Variants in STX12 observed in about 807,000 individuals in gnomAD.
The protein encoded by STX12 is syntaxin-12.
Under a neutral mutation model 42.2 loss-of-function variants are expected in STX12, and 17 were observed. The ratio of observed to expected loss-of-function variants is 0.40; its 90% CI spans 0.28 to 0.60. The LOEUF (loss-of-function observed/expected upper bound fraction) is 0.60. Ranked by LOEUF, STX12 falls within the 20% of genes least tolerant of loss-of-function variation. The pLI is 0.39. For missense variants in STX12, 297 were observed against 330.9 expected, an observed-to-expected ratio of 0.90 and a Z score of 0.79; for synonymous variants, 108 against 116.7, an observed-to-expected ratio of 0.93 and a Z score of 0.48.
intron 1 of STX12, chr1:27,773,802 G>C (rs2088611798): frequency 4.2e-6 from 1 of 240,860 alleles, no homozygotes; most frequent in African/African-American, 2.3e-5. Context: ...CACCCACCTC[G>C]CTTTCCTCTT....
At chr1:27,789,420 G>A in intron 1 of STX12, 142 bp from the exon 2 acceptor site, 1 of 505,670 alleles carries the variant, frequency 2.0e-6, no homozygotes, top group Non-Finnish European at 3.4e-6. Context: ...GTGTGTCAAG[G>A]TTTTGATCAT....
chr1:27,789,367 A>G (rs1021722974), intron 1 of STX12, among the ~76,000 whole-genome samples, 195 bp from the exon 2 acceptor site: 3 of 152,186 alleles, frequency 2.0e-5, no homozygotes, highest in African/African-American at 7.2e-5. Context: ...CAGTTACTCT[A>G]TAGGAGAAAG....
At chr1:27,795,485 T>C (rs2088780104) in intron 3 of STX12, among the ~76,000 whole-genome samples, 1 of 152,030 alleles carries the variant, frequency 6.6e-6, no homozygotes. Flanking sequence ...TTTGTATTTT[T>C]AGTAGAGATG....
At chr1:27,780,084 T>C (rs936360204) in intron 1 of STX12, among the ~76,000 whole-genome samples, 3 of 151,994 alleles carry the variant, frequency 2.0e-5, no homozygotes, top group Admixed American at 2.0e-4. Context: ...AGTCACTGCG[T>C]CCGCCCTTTG....
chr1:27,773,448 G>T, intron 1 of STX12, 23 bp downstream of exon 1: 1 of 1,609,256 alleles, frequency 6.2e-7, no homozygotes, highest in South Asian at 1.1e-5. Context: ...ACCGAGCTGG[G>T]GGGCGGGAGC....
At chr1:27,797,915 A>G (rs1488264235) in intron 3 of STX12, among the ~76,000 whole-genome samples, 2 of 139,422 alleles carry the variant, frequency 1.4e-5, no homozygotes, top group African/African-American at 3.3e-5. Context: ...CACAGAGTCT[A>G]TATACTCTGG....
intron 1 of STX12, among the ~76,000 whole-genome samples, chr1:27,788,650 T>C (rs2088716336): frequency 6.6e-6 from 1 of 152,210 alleles, no homozygotes; most frequent in Admixed American, 6.5e-5. Flanking sequence ...CTGCTACTTA[T>C]TAATTGTGTA....
chr1:27,804,738 G>A (rs1245316879), intron 4 of STX12, among the ~76,000 whole-genome samples: 1 of 151,660 alleles, frequency 6.6e-6, no homozygotes, highest in African/African-American at 2.4e-5. Flanking sequence ...TTCAACCCGG[G>A]AGGCGGAGAT....
At chr1:27,821,412 C>T (rs2148609287) in intron 8 of STX12, among the ~76,000 whole-genome samples, 1 of 151,988 alleles carries the variant, frequency 6.6e-6, no homozygotes, top group African/African-American at 2.4e-5. Context: ...AATGTTTATA[C>T]TAAACATTAA....
intron 4 of STX12, among the ~76,000 whole-genome samples, chr1:27,808,080 T>C (rs1259296793): frequency 1.3e-5 from 2 of 152,078 alleles, no homozygotes; most frequent in African/African-American, 4.8e-5. Flanking sequence ...GATGGAGTTG[T>C]GATTGGAGAA....
chr1:27,773,231 G>T lies in STX12; in HGVS notation c.-77G>T. 2 of 956,732 alleles carry T rather than the reference G, an allele frequency of 2.1e-6. No individual in the cohort carries two copies. The highest frequency in any genetic ancestry group is 3.2e-6 in the Non-Finnish European group (2 of 619,194). The allele number at this position is 956,732 out of a possible 1,614,324, so 59.3% of individuals were successfully genotyped here. On this transcript the variant is annotated 5_prime_UTR_variant, in exon 1 of 9. Transcript: ENST00000373943. ...CGCCCTTGCTCTTCCCAGTTTCTCCGTCAGCCTGCGGGTCCCGGCTGGCGG... is the reference window on the plus strand; with the variant it reads ...CGCCCTTGCTCTTCCCAGTTTCTCCTTCAGCCTGCGGGTCCCGGCTGGCGG...
At chr1:27,821,655 TGCC>T (rs2088985438) in intron 8 of STX12, among the ~76,000 whole-genome samples, 2 of 152,156 alleles carry the variant, frequency 1.3e-5, no homozygotes, top group African/African-American at 2.4e-5. Flanking sequence ...TTGCAAATAA[TGCC>T]TGGCAGCACA....
chr1:27,793,630 C>G lies in STX12; in HGVS notation c.286C>G (p.Gln96Glu). 1 of 1,612,446 alleles carries G rather than the reference C, an allele frequency of 6.2e-7. No homozygotes were observed. The highest frequency in any genetic ancestry group is 8.5e-7 in the Non-Finnish European group (1 of 1,178,704). ...SLPLPLSTSE[Q>E]RQQRLQKERL... Reference sequence around the variant, plus strand: ...GCCCCTTCCCTTATCTACTTCAGAACAGGTTGGTATTTTCTGTTTTGTTTA... The same window carrying G: ...GCCCCTTCCCTTATCTACTTCAGAAGAGGTTGGTATTTTCTGTTTTGTTTA... Residue 96 changes from glutamine to glutamate, a missense_variant and splice_region_variant, in exon 3 of 9, where the codon CAG becomes GAG. Gln to Glu is a conservative substitution (Grantham distance 29). Transcript: ENST00000373943.
intron 4 of STX12, among the ~76,000 whole-genome samples, chr1:27,808,499 G>A (rs936825060): frequency 6.6e-6 from 1 of 151,780 alleles, no homozygotes; most frequent in Non-Finnish European, 1.5e-5. Context: ...CCACCACCAT[G>A]CCTGGCTAAT....
Position 27,793,585 on chromosome 1 carries a change from C to G in STX12, c.241C>G (p.Leu81Val), listed in dbSNP as rs202077930. ...GCTCGCCAAGGAAACAAATGAATTG[C>G]TGAAAGAATTAGGGTCCTTGCCCCT... ...NQLAKETNEL[L>V]KELGSLPLPL... The change falls in exon 3 of 9, where the codon CTG becomes GTG. Residue 81 changes from leucine to valine, a missense_variant. By Grantham distance (32) the Leu-to-Val change is conservative. Transcript: ENST00000373943. 5.6e-5 allele frequency: 91 copies of G among 1,613,946 alleles called. No individual in the cohort carries two copies. Among genetic ancestry groups the G allele is most frequent in the Non-Finnish European group, 7.6e-5 (90 of 1,179,988 alleles).
intron 1 of STX12, among the ~76,000 whole-genome samples, chr1:27,779,499 AT>A (rs1019625346): frequency 2.0e-5 from 3 of 150,944 alleles, no homozygotes; most frequent in African/African-American, 7.3e-5. Flanking sequence ...CGCCCAGCTA[AT>A]TTTTGTATTT....
At chr1:27,777,741 G>T (rs571422932) in intron 1 of STX12, among the ~76,000 whole-genome samples, 22 of 152,172 alleles carry the variant, frequency 1.4e-4, no homozygotes, top group African/African-American at 5.3e-4. Flanking sequence ...AAAAAAATTA[G>T]CCAGGCGTGA....
intron 5 of STX12, among the ~76,000 whole-genome samples, chr1:27,810,895 G>A (rs889403584): frequency 1.3e-5 from 2 of 152,038 alleles, no homozygotes; most frequent in Admixed American, 1.3e-4. Flanking sequence ...AGCACGAAGA[G>A]GACGTTATTT....
intron 4 of STX12, among the ~76,000 whole-genome samples, chr1:27,804,810 C>CAA (rs975417288): frequency 2.5e-5 from 3 of 119,896 alleles, no homozygotes; most frequent in Non-Finnish European, 3.6e-5. Flanking sequence ...GACTCCATCT[C>CAA]AAAAAAAAAA....
Sources: allele counts gnomAD v4.1 joint callset (sites outside exome capture counted in the v4.1 genomes callset), GRCh38; gene constraint gnomAD v4.1.1; transcripts MANE v1.5; gene names NCBI Gene and HGNC (gene_info 2026-07-23, HGNC 2026-07-21).